Variants in RALGAPA2 observed in about 807,000 individuals in gnomAD.
The protein encoded by RALGAPA2 is ral GTPase-activating protein subunit alpha-2.
A neutral mutation model predicts 230.4 loss-of-function variants in RALGAPA2; 139 were observed. That is an observed-to-expected ratio of 0.60 (90% CI 0.53 to 0.69). The LOEUF (loss-of-function observed/expected upper bound fraction) is 0.69. Ranked by LOEUF, RALGAPA2 falls within the 30% of genes least tolerant of loss-of-function variation. The probability of loss-of-function intolerance (pLI) is 0.00; values close to 1 mark genes in which losing one functional copy is unlikely to be tolerated. For missense variants in RALGAPA2, 2,163 were observed against 2,276.0 expected, an observed-to-expected ratio of 0.95 and a Z score of 1.01; for synonymous variants, 847 against 837.8, an observed-to-expected ratio of 1.01 and a Z score of -0.19.
intron 38 of RALGAPA2, among the ~76,000 whole-genome samples, chr20:20,407,699 G>C (rs1483093825): frequency 6.6e-6 from 1 of 152,214 alleles, no homozygotes; most frequent in Admixed American, 6.5e-5. Flanking sequence ...TTCTGGCAAA[G>C]GTTCTGCAAA....
At chr20:20,693,604 A>G (rs916120408) in intron 1 of RALGAPA2, among the ~76,000 whole-genome samples, 2 of 152,210 alleles carry the variant, frequency 1.3e-5, no homozygotes, top group African/African-American at 2.4e-5. Context: ...GAGAGTGTTT[A>G]CAGCTGTCGA....
chr20:20,635,291 T>A, intron 9 of RALGAPA2, 127 bp downstream of exon 9: 1 of 1,009,262 alleles, frequency 9.9e-7, no homozygotes. Flanking sequence ...GGTAGGCCAA[T>A]AAAATCACTT....
intron 5 of RALGAPA2, among the ~76,000 whole-genome samples, chr20:20,642,129 GAGGGGAGGGGAGAGA>G: frequency 1.7e-5 from 1 of 57,702 alleles, no homozygotes; most frequent in Non-Finnish European, 3.3e-5. Context: ...GAGGGGAGGG[GAGGGGAGGGGAGAGA>G]AGGGGAGGGG....
rs1232108314 is a variant in RALGAPA2 at position 20,578,891 on chromosome 20, C to T, written c.2707+4159G>A. Among the ~76,000 whole-genome samples the T allele has an allele frequency of 4.6e-5, 7 of 152,216 alleles. No individual in the cohort carries two copies. In the East Asian group the frequency reaches 1.3e-3, roughly 29 times the overall value. On this transcript the variant is annotated intron_variant, in intron 20 of 39. Transcript: ENST00000202677. Reference sequence around the variant, plus strand: ...TTCCACTCCTTTTCAAGGATGTCCACTGCTCACTGCAAAGATTTCAGAAGG... The same window carrying T: ...TTCCACTCCTTTTCAAGGATGTCCATTGCTCACTGCAAAGATTTCAGAAGG...
intron 23 of RALGAPA2, among the ~76,000 whole-genome samples, chr20:20,568,308 G>C (rs1320502904): frequency 6.6e-6 from 1 of 152,064 alleles, no homozygotes; most frequent in African/African-American, 2.4e-5. Flanking sequence ...ATATGTACCG[G>C]GGGAAATACT....
intron 23 of RALGAPA2, among the ~76,000 whole-genome samples, chr20:20,559,166 C>T (rs77342340): frequency 0.033 from 4,960 of 152,248 alleles, 99 homozygotes; most frequent in South Asian, 0.06. Flanking sequence ...AATTACTCCA[C>T]CTGCACAAAG....
intron 39 of RALGAPA2, among the ~76,000 whole-genome samples, chr20:20,393,839 C>G (rs1330913106): frequency 4.6e-5 from 7 of 152,186 alleles, no homozygotes; most frequent in Admixed American, 2.6e-4. Context: ...ATCTGCACCC[C>G]CCGCTTCCCC....
chr20:20,468,393 C>A (rs2061466895), intron 37 of RALGAPA2, among the ~76,000 whole-genome samples: 1 of 151,892 alleles, frequency 6.6e-6, no homozygotes, highest in Admixed American at 6.6e-5. Context: ...CCCCTCTCCC[C>A]ATGCATTTTT....
intron 37 of RALGAPA2, among the ~76,000 whole-genome samples, chr20:20,443,310 A>G (rs142750036): frequency 6.6e-6 from 1 of 152,316 alleles, no homozygotes; most frequent in East Asian, 1.9e-4. Flanking sequence ...TTTTTGGGTG[A>G]GAATGCGGGA....
chr20:20,650,967 C>G (rs2067377765), intron 4 of RALGAPA2, among the ~76,000 whole-genome samples: 1 of 152,164 alleles, frequency 6.6e-6, no homozygotes, highest in African/African-American at 2.4e-5. Context: ...TGGACAGAAC[C>G]TAATCTGAAT....
intron 17 of RALGAPA2, among the ~76,000 whole-genome samples, chr20:20,590,924 G>A (rs1022784588): frequency 1.3e-5 from 2 of 151,834 alleles, no homozygotes; most frequent in Admixed American, 6.6e-5. Flanking sequence ...CTCCTGTCTC[G>A]TCCTCAAACA....
intron 3 of RALGAPA2, among the ~76,000 whole-genome samples, chr20:20,672,194 C>A (rs1249885353): frequency 6.6e-6 from 1 of 152,092 alleles, no homozygotes; most frequent in South Asian, 2.1e-4. Flanking sequence ...CCCAGACTCC[C>A]GGCAAAAGCA....
At chr20:20,409,116 C>T (rs74592418) in intron 38 of RALGAPA2, among the ~76,000 whole-genome samples, 31 of 152,330 alleles carry the variant, frequency 2.0e-4, no homozygotes, top group African/African-American at 6.5e-4. Context: ...AACCCACCCC[C>T]GCAGGGCTTG....
At chr20:20,700,020 C>T (rs2069281102) in intron 1 of RALGAPA2, among the ~76,000 whole-genome samples, 1 of 152,112 alleles carries the variant, frequency 6.6e-6, no homozygotes, top group Admixed American at 6.5e-5. Flanking sequence ...ATGTTCATTG[C>T]CATGCGATTC....
At chr20:20,416,835 C>G (rs1475562101) in intron 37 of RALGAPA2, among the ~76,000 whole-genome samples, 1 of 152,210 alleles carries the variant, frequency 6.6e-6, no homozygotes, top group Non-Finnish European at 1.5e-5. Flanking sequence ...CCTTGAAACC[C>G]TTCTTGCCTG....
intron 33 of RALGAPA2, among the ~76,000 whole-genome samples, chr20:20,509,418 G>C (rs1241414007): frequency 6.6e-6 from 1 of 152,112 alleles, no homozygotes; most frequent in Non-Finnish European, 1.5e-5. Flanking sequence ...CTTTATCCAG[G>C]TAAAACTACA....
At chr20:20,617,690 A>G (rs2066190998) in intron 12 of RALGAPA2, among the ~76,000 whole-genome samples, 1 of 152,204 alleles carries the variant, frequency 6.6e-6, no homozygotes, top group South Asian at 2.1e-4. Context: ...AAAATAAACC[A>G]AATTAGTATG....
chr20:20,607,703 G>T (rs144677435), intron 14 of RALGAPA2, among the ~76,000 whole-genome samples: 8 of 152,326 alleles, frequency 5.3e-5, no homozygotes, highest in African/African-American at 1.9e-4. Flanking sequence ...CAGCTTCATG[G>T]ATAAAAGCAG....
intron 39 of RALGAPA2, among the ~76,000 whole-genome samples, chr20:20,393,963 T>C (rs1238553596): frequency 6.6e-6 from 1 of 152,138 alleles, no homozygotes; most frequent in Non-Finnish European, 1.5e-5. Context: ...GAGAGGATCA[T>C]TTCATCACCC....
Sources: gnomAD v4.1 joint callset for allele counts (sites outside exome capture counted in the v4.1 genomes callset) on GRCh38, gnomAD v4.1.1 for gene constraint, MANE v1.5 for transcripts, NCBI Gene and HGNC (gene_info 2026-07-23, HGNC 2026-07-21) for gene names.